Variants in BCL11B observed in about 807,000 individuals in gnomAD.
BCL11B encodes BCL11 transcription factor B, also known as B-cell lymphoma/leukemia 11B.
Under a neutral mutation model 49.9 loss-of-function variants are expected in BCL11B, and 8 were observed. The ratio of observed to expected loss-of-function variants is 0.16; its 90% CI spans 0.09 to 0.29. The LOEUF is 0.29. Among genes scored for constraint, BCL11B ranks in the 10% least tolerant of loss-of-function variants. The pLI is 1.00. For synonymous variants in BCL11B, 739 were observed against 637.4 expected (o/e 1.16, Z -2.40); for missense variants, 1,006 against 1,351.0 (o/e 0.74, Z 4.00).
intron 3 of BCL11B, among the ~76,000 whole-genome samples, chr14:99,180,697 G>A (rs537323002): frequency 3.9e-5 from 6 of 152,176 alleles, no homozygotes; most frequent in Admixed American, 1.3e-4. Flanking sequence ...CAGGCGTTAC[G>A]ATGGGGTTTG....
chr14:99,255,369 T>A (rs1314922450), intron 2 of BCL11B, among the ~76,000 whole-genome samples: 1 of 65,118 alleles, frequency 1.5e-5, no homozygotes, highest in Admixed American at 2.5e-4. Flanking sequence ...ACACATAAAA[T>A]AAAGATACTG....
chr14:99,224,092 T>C (rs1302387617), intron 3 of BCL11B, among the ~76,000 whole-genome samples: 2 of 152,196 alleles, frequency 1.3e-5, no homozygotes, highest in Non-Finnish European at 2.9e-5. Flanking sequence ...GGATGACCAG[T>C]GCATGAAGGA....
At chr14:99,186,871 A>G (rs1595226968) in intron 3 of BCL11B, among the ~76,000 whole-genome samples, 1 of 152,306 alleles carries the variant, frequency 6.6e-6, no homozygotes, top group South Asian at 2.1e-4. Flanking sequence ...TGCTTTCCAT[A>G]AGGTATAAAG....
At chr14:99,259,409 G>C (rs929041350) in intron 1 of BCL11B, among the ~76,000 whole-genome samples, 1 of 152,220 alleles carries the variant, frequency 6.6e-6, no homozygotes, top group African/African-American at 2.4e-5. Flanking sequence ...GGGCCTAGGA[G>C]AGTCCATGTG....
intron 2 of BCL11B, among the ~76,000 whole-genome samples, chr14:99,253,443 C>T (rs1481421754): frequency 1.3e-5 from 2 of 152,212 alleles, no homozygotes; most frequent in African/African-American, 2.4e-5. Flanking sequence ...CCTGAAAATG[C>T]GGCGGAGGAG....
At position 99,252,890 on chromosome 14, in the gene BCL11B, A is replaced by G. The variant is rs1305029598; in HGVS notation, c.427+4581T>C. 2.0e-5 allele frequency among the ~76,000 whole-genome samples: 3 copies of G among 152,246 alleles called. No homozygotes were observed. The East Asian group carries it at 5.8e-4, about 29-fold the overall frequency. ...TCAGTGACTATCAAGTGAGAATTAT[A>G]TGGAGGAACCTGTAGGAAATCACCG... is the stretch of plus-strand genomic sequence containing the variant. On this transcript the variant is annotated intron_variant, in intron 2 of 3. Transcript: ENST00000357195.
Position 99,242,370 on chromosome 14 carries a change from C to A in BCL11B, c.428-10813G>T, listed in dbSNP as rs976079247. 3.3e-5 allele frequency among the ~76,000 whole-genome samples: 5 copies of A among 152,204 alleles called. No homozygotes were observed. The highest frequency in any genetic ancestry group is 5.9e-5 in the Non-Finnish European group (4 of 68,040). ...GAGGCCCGTCAGGTTGGGAGGGTTA[C>A]GAGTCCAGCCGTGGAGAGGGGAATA... On this transcript the variant is annotated intron_variant, in intron 2 of 3. Transcript: ENST00000357195. The surrounding 1 kb of genome is among the most constrained non-coding windows in gnomAD (Gnocchi z 4.4).
chr14:99,219,454 T>C (rs1195836991), intron 3 of BCL11B, among the ~76,000 whole-genome samples: 1 of 152,104 alleles, frequency 6.6e-6, no homozygotes, highest in Non-Finnish European at 1.5e-5. Context: ...ATCATCGCAA[T>C]TACCATCCCG....
At chr14:99,217,673 G>GTA (rs1211722360) in intron 3 of BCL11B, among the ~76,000 whole-genome samples, 2 of 152,122 alleles carry the variant, frequency 1.3e-5, no homozygotes, top group East Asian at 3.9e-4. Flanking sequence ...TCCAGACTGG[G>GTA]GGTAGCCAGG....
chr14:99,218,301 C>T (rs952804243), intron 3 of BCL11B, among the ~76,000 whole-genome samples: 3 of 145,428 alleles, frequency 2.1e-5, no homozygotes, highest in Non-Finnish European at 4.5e-5. Context: ...AGGATGGTCT[C>T]GATCCCCTGA....
intron 3 of BCL11B, among the ~76,000 whole-genome samples, chr14:99,178,851 C>T (rs138685147): frequency 4.8e-4 from 73 of 152,310 alleles, no homozygotes; most frequent in African/African-American, 1.7e-3. Context: ...AGCTTTCCGT[C>T]GCTTTAGTTT....
chr14:99,182,542 T>A (rs1030276388), intron 3 of BCL11B, among the ~76,000 whole-genome samples: 1 of 152,208 alleles, frequency 6.6e-6, no homozygotes, highest in South Asian at 2.1e-4. Context: ...AGTAACTCCA[T>A]GAAATCATGC....
chr14:99,199,972 A>G (rs1291852766), intron 3 of BCL11B, among the ~76,000 whole-genome samples: 1 of 147,058 alleles, frequency 6.8e-6, no homozygotes, highest in East Asian at 1.9e-4. Flanking sequence ...CTGGGAAGGA[A>G]AAAAAAAACC....
chr14:99,243,925 A>C (rs1230872402), intron 2 of BCL11B, among the ~76,000 whole-genome samples: 1 of 520 alleles, frequency 1.9e-3, no homozygotes, highest in Non-Finnish European at 4.9e-3. Context: ...TCCTAAAAAA[A>C]AAAAAAAAAA....
chr14:99,175,594 A>AG lies in BCL11B; in HGVS notation c.1241dup (p.Gly415TrpfsTer102). ...GCGGCTGCGGGGGCGGCGTGCCGCC[A>AG]GGGGGCATGGGCGGCAGCGGCGGCG... On this transcript the variant is annotated frameshift_variant, in exon 4 of 4. Coordinates refer to ENST00000357195, the MANE Select transcript of BCL11B (RefSeq NM_138576.4). LOFTEE classifies it high-confidence loss of function. 1 of 1,577,374 alleles carries AG rather than the reference A, an allele frequency of 6.3e-7. No individual in the cohort carries two copies.
Position 99,271,366 on chromosome 14 carries a change from T to A in BCL11B, c.-148A>T. 5.1e-6 allele frequency: 2 copies of A among 390,002 alleles called. No homozygotes were observed. Among genetic ancestry groups the A allele is most frequent in the Non-Finnish European group, 8.4e-6 (2 of 239,008 alleles). 24.2% of individuals were successfully genotyped at this position (390,002 alleles called of 1,614,324 possible). On this transcript the variant is annotated 5_prime_UTR_variant, in exon 1 of 4. Coordinates refer to ENST00000357195, the MANE Select transcript of BCL11B (RefSeq NM_138576.4). ...TCCTCCTCTGCCCGGGTTGGTGTTT[T>A]TTTTCCCTTCCTCTCTTTCCCTCTC...
At chr14:99,203,920 G>A (rs998741689) in intron 3 of BCL11B, among the ~76,000 whole-genome samples, 24 of 149,064 alleles carry the variant, frequency 1.6e-4, no homozygotes, top group African/African-American at 5.3e-4. Flanking sequence ...TGAACCCCCC[G>A]CTCTGAGCCA....
At chr14:99,200,104 TC>T (rs1448218299) in intron 3 of BCL11B, among the ~76,000 whole-genome samples, 8 of 151,056 alleles carry the variant, frequency 5.3e-5, no homozygotes, top group Non-Finnish European at 1.2e-4. Flanking sequence ...ACAGGGACTC[TC>T]GTCTTTTTTT....
rs1179956025 is a variant in BCL11B, at chr14:99,270,476, G to C, written c.58+685C>G. Among the ~76,000 whole-genome samples the C allele has an allele frequency of 3.5e-4, 49 of 141,034 alleles. 1 individual carries two copies. Among genetic ancestry groups the C allele is most frequent in the Non-Finnish European group, 1.6e-4 (10 of 64,472 alleles). 92.5% of individuals were successfully genotyped at this position (141,034 alleles called of 152,430 possible). On this transcript the variant is annotated intron_variant, in intron 1 of 3. Coordinates refer to ENST00000357195, the MANE Select transcript of BCL11B (RefSeq NM_138576.4). ...ATCCCAGGAGACAGACGGAGGTGGG[G>C]AAGTGGGGGGTGGGGAGGGGGGCTT...
Sources: allele counts gnomAD v4.1 joint callset (sites outside exome capture counted in the v4.1 genomes callset), GRCh38; gene constraint gnomAD v4.1.1; non-coding constraint Gnocchi (gnomAD v3.1); transcripts MANE v1.5; gene names NCBI Gene and HGNC (gene_info 2026-07-23, HGNC 2026-07-21).